PCDH15: variants seen among roughly 807,000 people sequenced by gnomAD.
The protein encoded by PCDH15 is protocadherin related 15, also known as protocadherin-15.
In PCDH15, 129 loss-of-function variants were observed where a neutral mutation model predicts 178.5. The observed-to-expected ratio is 0.72, with a 90% CI of 0.63 to 0.84. The LOEUF is 0.84. Among genes scored for constraint, PCDH15 ranks in the 40% least tolerant of loss-of-function variants. The probability of loss-of-function intolerance (pLI) is 0.00; values close to 1 mark genes in which losing one functional copy is unlikely to be tolerated. For missense variants in PCDH15, 2,230 were observed against 2,099.9 expected, an observed-to-expected ratio of 1.06 and a Z score of -1.21; for synonymous variants, 800 against 732.0, an observed-to-expected ratio of 1.09 and a Z score of -1.50.
intron 18 of PCDH15, among the ~76,000 whole-genome samples, chr10:54,036,795 G>A (rs994161896): frequency 1.8e-4 from 28 of 151,836 alleles, no homozygotes; most frequent in Non-Finnish European, 8.8e-5. Context: ...GTCATTGATA[G>A]TTATTCCTCT....
At chr10:54,288,522 G>C (rs555830772) in intron 8 of PCDH15, among the ~76,000 whole-genome samples, 141 of 152,190 alleles carry the variant, frequency 9.3e-4, no homozygotes, top group African/African-American at 3.3e-3. Flanking sequence ...TGAATAGTGG[G>C]TGCAGCCCAC....
intron 1 of PCDH15, among the ~76,000 whole-genome samples, chr10:55,304,467 T>C (rs1471667834): frequency 6.6e-6 from 1 of 152,236 alleles, no homozygotes; most frequent in African/African-American, 2.4e-5. Context: ...GTTTTACGTA[T>C]ATAAATGTAA....
chr10:54,222,835 T>C (rs1331090676), intron 9 of PCDH15, among the ~76,000 whole-genome samples: 1 of 152,236 alleles, frequency 6.6e-6, no homozygotes, highest in Middle Eastern at 3.2e-3. Context: ...TTTTATTAAA[T>C]TGTGTTTTCA....
chr10:53,972,263 CT>C (rs1316121622), intron 21 of PCDH15, among the ~76,000 whole-genome samples: 2 of 106,130 alleles, frequency 1.9e-5, no homozygotes, highest in African/African-American at 6.5e-5. Context: ...GGATCCCTTC[CT>C]TACACCTTAT....
At chr10:55,574,314 A>G (rs1842459057) in intron 2 of PCDH15, among the ~76,000 whole-genome samples, 4 of 152,042 alleles carry the variant, frequency 2.6e-5, no homozygotes, top group Non-Finnish European at 5.9e-5. Context: ...TCCTTGAAAC[A>G]CTATTCCATG....
chr10:54,041,826 C>T (rs771965549), intron 18 of PCDH15, among the ~76,000 whole-genome samples: 2 of 151,986 alleles, frequency 1.3e-5, no homozygotes, highest in Admixed American at 6.6e-5. Context: ...GGAATCCCAA[C>T]GGTGACTTTC....
chr10:55,273,516 G>T (rs571035832), intron 1 of PCDH15, among the ~76,000 whole-genome samples: 1 of 152,210 alleles, frequency 6.6e-6, no homozygotes, highest in East Asian at 1.9e-4. Context: ...AACTAGAAGG[G>T]TGTATGTGGT....
intron 2 of PCDH15, among the ~76,000 whole-genome samples, chr10:55,528,297 T>C (rs1322612787): frequency 6.6e-6 from 1 of 152,072 alleles, no homozygotes; most frequent in Non-Finnish European, 1.5e-5. Flanking sequence ...TACATATGTA[T>C]ACATGTGCCA....
intron 2 of PCDH15, among the ~76,000 whole-genome samples, chr10:54,638,563 A>G (rs757502983): frequency 6.6e-6 from 1 of 152,270 alleles, no homozygotes; most frequent in Non-Finnish European, 1.5e-5. Context: ...TGAATTTAAG[A>G]TAGTGCCTGG....
intron 2 of PCDH15, among the ~76,000 whole-genome samples, chr10:55,487,954 T>C (rs116676581): frequency 0.021 from 3,181 of 151,692 alleles, 118 homozygotes; most frequent in African/African-American, 0.073. Context: ...AGATATTTAA[T>C]TTTAGAGAGA....
chr10:55,053,571 G>T (rs1453713599), intron 2 of PCDH15, among the ~76,000 whole-genome samples: 1 of 152,180 alleles, frequency 6.6e-6, no homozygotes. Context: ...TAAATGCTGG[G>T]ATCTAACATG....
intron 2 of PCDH15, among the ~76,000 whole-genome samples, chr10:55,466,438 TAATC>T (rs1248336804): frequency 6.6e-6 from 1 of 152,194 alleles, no homozygotes; most frequent in African/African-American, 2.4e-5. Flanking sequence ...TTACATTTGT[TAATC>T]AATTACTACA....
At chr10:55,269,853 A>G (rs1842395617) in intron 1 of PCDH15, among the ~76,000 whole-genome samples, 2 of 152,212 alleles carry the variant, frequency 1.3e-5, no homozygotes, top group Non-Finnish European at 2.9e-5. Context: ...ACAAAGCTGC[A>G]GACATCACAT....
upstream of PCDH15, among the ~76,000 whole-genome samples, chr10:55,320,664 T>A (rs1843870278): frequency 6.6e-6 from 1 of 152,116 alleles, no homozygotes; most frequent in African/African-American, 2.4e-5. Context: ...AATTAGAGTA[T>A]GCAGAGCCTT....
chr10:54,601,641 A>G lies in PCDH15; in HGVS notation c.91+62531T>C, dbSNP rs548390497. Reference sequence around the variant, plus strand: ...GTAAGAAGCAGTGTGGTAACTCCTCAAAGAACCAAAAACAGAACTGCCATT... The same window carrying G: ...GTAAGAAGCAGTGTGGTAACTCCTCGAAGAACCAAAAACAGAACTGCCATT... On this transcript the variant is annotated intron_variant, in intron 2 of 37. Transcript: ENST00000644397. Among the ~76,000 whole-genome samples the G allele has an allele frequency of 9.9e-5, 15 of 152,080 alleles. No homozygotes were observed. The South Asian group carries it at 1.0e-3, about 11-fold the overall frequency.
intron 2 of PCDH15, among the ~76,000 whole-genome samples, chr10:55,037,246 TA>T (rs921429417): frequency 2.0e-5 from 3 of 152,136 alleles, no homozygotes; most frequent in African/African-American, 7.2e-5. Flanking sequence ...TTTTTTTTTT[TA>T]TTTTGAGACG....
chr10:54,162,743 C>A (rs1226948381), intron 13 of PCDH15, among the ~76,000 whole-genome samples: 2 of 152,118 alleles, frequency 1.3e-5, no homozygotes, highest in Non-Finnish European at 2.9e-5. Flanking sequence ...GATTGTATCA[C>A]TTGGGCCTTT....
At chr10:55,008,884 T>TA (rs201027163) in intron 2 of PCDH15, among the ~76,000 whole-genome samples, 21,338 of 114,914 alleles carry the variant, frequency 0.19, 1,638 homozygotes, top group Middle Eastern at 0.29. Context: ...TGATCTTGTT[T>TA]AAAAAACAAA....
At chr10:54,632,719 G>A (rs1032150622) in intron 2 of PCDH15, among the ~76,000 whole-genome samples, 8 of 152,034 alleles carry the variant, frequency 5.3e-5, no homozygotes, top group Admixed American at 5.3e-4. Flanking sequence ...TAAAACATAA[G>A]CACCTGCACC....
Sources: allele counts gnomAD v4.1 joint callset (sites outside exome capture counted in the v4.1 genomes callset), GRCh38; gene constraint gnomAD v4.1.1; transcripts MANE v1.5; gene names NCBI Gene and HGNC (gene_info 2026-07-23, HGNC 2026-07-21).